Variants in KATNAL1 observed in about 807,000 individuals in gnomAD.
The protein encoded by KATNAL1 is katanin catalytic subunit A1 like 1.
In KATNAL1, 32 loss-of-function variants were observed where a neutral mutation model predicts 55.2. The ratio of observed to expected loss-of-function variants is 0.58; its 90% CI spans 0.44 to 0.78. The LOEUF is 0.78. Among genes scored for constraint, KATNAL1 ranks in the 30% least tolerant of loss-of-function variants. KATNAL1 has a pLI of 0.00. For synonymous variants in KATNAL1, 193 were observed against 193.6 expected (o/e 1.00, Z 0.02); for missense variants, 466 against 600.9 (o/e 0.78, Z 2.35).
intron 1 of KATNAL1, 112 bp downstream of exon 1, chr13:30,307,219 C>G (rs1419179438): frequency 6.6e-6 from 1 of 152,404 alleles, no homozygotes; most frequent in Non-Finnish European, 1.5e-5. Context: ...CCGAGGAACC[C>G]CGCAGCCCAC....
intron 3 of KATNAL1, 144 bp downstream of exon 3, chr13:30,279,919 G>A (rs1350845769): frequency 1.4e-6 from 1 of 689,846 alleles, no homozygotes; most frequent in Non-Finnish European, 2.3e-6. Context: ...ATACAAAACT[G>A]TAAATGTATA....
intron 3 of KATNAL1, among the ~76,000 whole-genome samples, chr13:30,259,400 T>C (rs1879062393): frequency 6.6e-6 from 1 of 151,942 alleles, no homozygotes; most frequent in Non-Finnish European, 1.5e-5. Flanking sequence ...AGCTCCGGTC[T>C]ACAGCTCCCA....
intron 1 of KATNAL1, among the ~76,000 whole-genome samples, chr13:30,294,651 A>G (rs1179306196): frequency 1.3e-5 from 2 of 152,260 alleles, no homozygotes; most frequent in Non-Finnish European, 2.9e-5. Flanking sequence ...GAAGGTGGCT[A>G]CACTAAACAA....
intron 3 of KATNAL1, among the ~76,000 whole-genome samples, chr13:30,267,776 A>G (rs1158241500): frequency 6.6e-6 from 1 of 152,040 alleles, no homozygotes; most frequent in African/African-American, 2.4e-5. Flanking sequence ...ACAGCCAAGA[A>G]AGAGAGAGAG....
chr13:30,211,024 A>T (rs73163458), intron 9 of KATNAL1, among the ~76,000 whole-genome samples: 1 of 152,214 alleles, frequency 6.6e-6, no homozygotes, highest in Non-Finnish European at 1.5e-5. Flanking sequence ...TGTGAACTGA[A>T]TAAGTTCAAA....
intron 9 of KATNAL1, among the ~76,000 whole-genome samples, chr13:30,223,255 C>T (rs375496132): frequency 6.9e-4 from 105 of 151,492 alleles, no homozygotes; most frequent in South Asian, 1.5e-3. Flanking sequence ...CTGGCTAACA[C>T]GGTGAAACTC....
chr13:30,257,211 T>C (rs774748243), intron 3 of KATNAL1, among the ~76,000 whole-genome samples: 52 of 152,116 alleles, frequency 3.4e-4, no homozygotes, highest in South Asian at 6.2e-4. Context: ...GGGTGGAAAG[T>C]AATAGAGTAA....
intron 10 of KATNAL1, among the ~76,000 whole-genome samples, chr13:30,209,038 G>C (rs2137333318): frequency 6.6e-6 from 1 of 152,310 alleles, no homozygotes; most frequent in South Asian, 2.1e-4. Flanking sequence ...TTAGGAAACT[G>C]AAGTCAAATT....
intron 9 of KATNAL1, among the ~76,000 whole-genome samples, chr13:30,214,266 T>C (rs1183977403): frequency 6.6e-6 from 1 of 152,002 alleles, no homozygotes; most frequent in Non-Finnish European, 1.5e-5. Flanking sequence ...CTCAATGAAA[T>C]AAAAGAGGAT....
In KATNAL1 at chr13:30,296,991, GA is replaced by G. The variant is rs59766863; in HGVS notation, c.-15+10339del. Among the ~76,000 whole-genome samples, 1,021 of 149,300 alleles carry G rather than the reference GA, an allele frequency of 6.8e-3. 14 individuals are homozygous for G. The highest frequency in any genetic ancestry group is 0.023 in the African/African-American group (957 of 40,760). ...GTGACCAATAAAGTATTAGGGACAA[GA>G]AAAAAAAAATTAGTCACATGTGGTC... On this transcript the variant is annotated intron_variant, in intron 1 of 10. Coordinates refer to ENST00000380615, the MANE Select transcript of KATNAL1 (RefSeq NM_032116.5).
intron 9 of KATNAL1, among the ~76,000 whole-genome samples, chr13:30,216,945 C>T (rs1179633649): frequency 6.6e-6 from 1 of 152,140 alleles, no homozygotes; most frequent in Non-Finnish European, 1.5e-5. Flanking sequence ...TTAATATATT[C>T]TCCCACTGAA....
intron 3 of KATNAL1, among the ~76,000 whole-genome samples, chr13:30,255,935 G>A (rs900593777): frequency 2.0e-5 from 3 of 152,128 alleles, no homozygotes; most frequent in East Asian, 1.9e-4. Flanking sequence ...CAACATAATG[G>A]AAAGGCAATA....
chr13:30,258,586 T>A (rs540303921), intron 3 of KATNAL1, among the ~76,000 whole-genome samples: 2 of 152,370 alleles, frequency 1.3e-5, no homozygotes, highest in East Asian at 3.9e-4. Flanking sequence ...TATCAATATT[T>A]TATATTTAAT....
At chr13:30,266,887 T>C (rs970221014) in intron 3 of KATNAL1, among the ~76,000 whole-genome samples, 1 of 152,206 alleles carries the variant, frequency 6.6e-6, no homozygotes, top group Non-Finnish European at 1.5e-5. Flanking sequence ...TACAATCCCA[T>C]TTAATATGTT....
intron 3 of KATNAL1, among the ~76,000 whole-genome samples, chr13:30,257,407 C>T (rs1294277796): frequency 1.3e-5 from 2 of 152,298 alleles, no homozygotes; most frequent in Middle Eastern, 3.4e-3. Context: ...TGTGGTCCTG[C>T]TTTTTAGACT....
intron 6 of KATNAL1, among the ~76,000 whole-genome samples, chr13:30,240,017 T>A (rs1403168714): frequency 6.6e-6 from 1 of 152,122 alleles, no homozygotes; most frequent in African/African-American, 2.4e-5. Context: ...GCTAAAGACC[T>A]CTTTTTAGAA....
chr13:30,236,131 G>T (rs967007527), intron 6 of KATNAL1, among the ~76,000 whole-genome samples: 2 of 152,166 alleles, frequency 1.3e-5, no homozygotes, highest in African/African-American at 2.4e-5. Context: ...AAAGCCATGT[G>T]TAAGGGGACC....
chr13:30,274,872 G>A (rs886523934), intron 3 of KATNAL1, among the ~76,000 whole-genome samples: 6 of 148,062 alleles, frequency 4.1e-5, no homozygotes, highest in Admixed American at 6.8e-5. Flanking sequence ...TGTTGGGGGC[G>A]GGGTGTGTGC....
At chr13:30,301,873 T>A (rs1160579262) in intron 1 of KATNAL1, among the ~76,000 whole-genome samples, 1 of 152,186 alleles carries the variant, frequency 6.6e-6, no homozygotes, top group Admixed American at 6.5e-5. Context: ...TATGTATGTA[T>A]GTATTTATTT....
Sources: gnomAD v4.1 joint callset for allele counts (sites outside exome capture counted in the v4.1 genomes callset) on GRCh38, gnomAD v4.1.1 for gene constraint, MANE v1.5 for transcripts, NCBI Gene and HGNC (gene_info 2026-07-23, HGNC 2026-07-21) for gene names.